Variants in IMPA2 observed in about 807,000 individuals in gnomAD.
IMPA2 encodes inositol monophosphatase 2.
IMPA2 carries 32 observed loss-of-function variants against 35.1 expected under a neutral mutation model. That is an observed-to-expected ratio of 0.91 (90% CI 0.69 to 1.23). IMPA2 has a LOEUF of 1.23. IMPA2 is among the 50% of genes most tolerant of loss of function. The probability of loss-of-function intolerance (pLI) is 0.00; values close to 1 mark genes in which losing one functional copy is unlikely to be tolerated. For synonymous variants in IMPA2, 135 were observed against 160.6 expected (o/e 0.84, Z 1.20); for missense variants, 334 against 387.6 (o/e 0.86, Z 1.16).
At chr18:12,018,619 T>A (rs899461991) in intron 5 of IMPA2, among the ~76,000 whole-genome samples, 3 of 152,232 alleles carry the variant, frequency 2.0e-5, no homozygotes, top group Non-Finnish European at 2.9e-5. Context: ...CATTTTAAGA[T>A]TAAAAATTCA....
At chr18:11,999,630 G>A (rs1332375623) in intron 2 of IMPA2, among the ~76,000 whole-genome samples, 4 of 152,334 alleles carry the variant, frequency 2.6e-5, no homozygotes, top group South Asian at 2.1e-4. Flanking sequence ...TGGCAGCCGC[G>A]TGGGGCCCCC....
chr18:12,010,538 G>A lies in IMPA2; in HGVS notation c.335+551G>A, dbSNP rs554499771. On this transcript the variant is annotated intron_variant, in intron 3 of 7. Transcript: ENST00000269159. The surrounding 1 kb of genome is among the most constrained non-coding windows in gnomAD (Gnocchi z 4.8). ...CAGGATGCAAAGGTGACAGGGACAC[G>A]ACCACAGGTGTTCTCTGGCAGTGGC... Among the ~76,000 whole-genome samples, 144 of 152,348 alleles carry A rather than the reference G, an allele frequency of 9.5e-4. No homozygotes were observed. The highest frequency in any genetic ancestry group is 1.7e-3 in the Non-Finnish European group (118 of 68,026).
At chr18:12,007,755 T>C (rs1159826793) in intron 2 of IMPA2, among the ~76,000 whole-genome samples, 1 of 149,974 alleles carries the variant, frequency 6.7e-6, no homozygotes, top group Admixed American at 6.7e-5. Flanking sequence ...CTTCCCTTCC[T>C]TCTTTCTTTT....
At chr18:12,020,520 CTTGAATTACAGTTTTT>C (rs1359144420) in intron 5 of IMPA2, among the ~76,000 whole-genome samples, 5 of 152,120 alleles carry the variant, frequency 3.3e-5, no homozygotes, top group Non-Finnish European at 5.9e-5. Flanking sequence ...GAAGAGTTTT[CTTGAATTACAGTTTTT>C]AATATTTTTT....
chr18:12,000,791 AT>A (rs1385681394), intron 2 of IMPA2, among the ~76,000 whole-genome samples: 1 of 150,374 alleles, frequency 6.7e-6, no homozygotes, highest in Non-Finnish European at 1.5e-5. Flanking sequence ...AATTTTTTGT[AT>A]TTTTAGTAGA....
At chr18:12,014,399 T>C (rs771207220) in intron 5 of IMPA2, 26 bp downstream of exon 5, 1 of 1,424,776 alleles carries the variant, frequency 7.0e-7, no homozygotes, top group Admixed American at 2.2e-5. Flanking sequence ...CTCGTCTCAG[T>C]TTACTTCTGA....
intron 2 of IMPA2, among the ~76,000 whole-genome samples, chr18:12,006,981 A>G (rs1298938275): frequency 6.6e-6 from 1 of 152,190 alleles, no homozygotes; most frequent in Non-Finnish European, 1.5e-5. Context: ...GATAAAAAAA[A>G]TTAGCCAGGC....
intron 1 of IMPA2, among the ~76,000 whole-genome samples, chr18:11,990,986 C>T (rs949554983): frequency 2.6e-5 from 4 of 152,166 alleles, no homozygotes; most frequent in African/African-American, 4.8e-5. Context: ...GCAGAAGAAG[C>T]GCTCTGTAAG....
intron 5 of IMPA2, among the ~76,000 whole-genome samples, chr18:12,026,034 AT>A (rs35644462): frequency 0.87 from 95,391 of 109,892 alleles, 40,842 homozygotes; most frequent in South Asian, 0.94. Flanking sequence ...TCAAAAGAGC[AT>A]TTTTTTTTTT....
intron 2 of IMPA2, among the ~76,000 whole-genome samples, chr18:12,009,467 T>C (rs567034459): frequency 7.9e-5 from 12 of 152,246 alleles, no homozygotes; most frequent in African/African-American, 2.6e-4. Context: ...GGTATCAGCA[T>C]TGACTGGGAG....
At chr18:12,011,698 G>C (rs1174922376) in intron 3 of IMPA2, among the ~76,000 whole-genome samples, 1 of 152,212 alleles carries the variant, frequency 6.6e-6, no homozygotes, top group Admixed American at 6.5e-5. Flanking sequence ...CCTGCAGCTG[G>C]CTACTGGGCA....
At chr18:12,015,234 C>G (rs1253928640) in intron 5 of IMPA2, among the ~76,000 whole-genome samples, 1 of 152,190 alleles carries the variant, frequency 6.6e-6, no homozygotes, top group African/African-American at 2.4e-5. Context: ...TGCAGGGCCC[C>G]CCATCTCATT....
At chr18:11,983,552 G>C (rs929654920) in intron 1 of IMPA2, among the ~76,000 whole-genome samples, 19 of 152,284 alleles carry the variant, frequency 1.2e-4, no homozygotes, top group Non-Finnish European at 1.0e-4. Context: ...AATAGAGCAG[G>C]AACAGTTCTA....
At chr18:12,018,810 G>C (rs72875406) in intron 5 of IMPA2, among the ~76,000 whole-genome samples, 23,810 of 151,908 alleles carry the variant, frequency 0.16, 2,593 homozygotes, top group African/African-American at 0.3. Flanking sequence ...ATAATAAGTT[G>C]TTTTGGTGTC....
chr18:12,028,550 C>T, intron 6 of IMPA2: 1 of 471,254 alleles, frequency 2.1e-6, no homozygotes, highest in Non-Finnish European at 3.8e-6. Context: ...ACCACTGACA[C>T]TTAATGTCAC....
In IMPA2 at chr18:12,030,356, C is replaced by T. The variant is rs1346443101; in HGVS notation, c.765C>T (p.Asp255=). 1 of 1,614,196 alleles carries T rather than the reference C, an allele frequency of 6.2e-7. No individual in the cohort carries two copies. The highest frequency in any genetic ancestry group is 1.3e-5 in the African/African-American group (1 of 75,074). Reference sequence around the variant, plus strand: ...GTCTGTCCCCAGGTGGACCCCTCGACCTCATGGCTTGCAGAGTGGTTGCGG... The same window carrying T: ...GTCTGTCCCCAGGTGGACCCCTCGATCTCATGGCTTGCAGAGTGGTTGCGG... ...IVIDTSGGPL[D]LMACRVVAAS... Residue 255 remains aspartate, a synonymous_variant, in exon 8 of 8, where the codon GAC becomes GAT. Coordinates refer to ENST00000269159, the MANE Select transcript of IMPA2 (RefSeq NM_014214.3).
chr18:12,022,873 C>G (rs1378553857), intron 5 of IMPA2, among the ~76,000 whole-genome samples: 1 of 148,682 alleles, frequency 6.7e-6, no homozygotes, highest in African/African-American at 2.5e-5. Flanking sequence ...CTCCCAGGTT[C>G]AAGCAATTCT....
intron 7 of IMPA2, among the ~76,000 whole-genome samples, chr18:12,029,562 A>C (rs28667734): frequency 0.47 from 71,532 of 151,850 alleles, 18,988 homozygotes; most frequent in African/African-American, 0.73. Context: ...GCTGGGACTA[A>C]AGGCACTCAC....
chr18:12,030,596 C>T lies in IMPA2; in HGVS notation c.*138C>T, dbSNP rs1042733695. The T allele has an allele frequency of 3.2e-5, 20 of 630,960 alleles. No homozygotes were observed. Among genetic ancestry groups the T allele is most frequent in the Non-Finnish European group, 4.2e-5 (15 of 356,836 alleles). 39.1% of individuals were successfully genotyped at this position (630,960 alleles called of 1,614,324 possible). A position where few individuals can be genotyped will look rare whatever the true frequency, so the allele number is the denominator to read the frequency against. On this transcript the variant is annotated 3_prime_UTR_variant, in exon 8 of 8. Coordinates refer to ENST00000269159, the MANE Select transcript of IMPA2 (RefSeq NM_014214.3). ...TACCCCAGAGGGAGTTGTCACGCTA[C>T]AGTGAGTGGCTGGCCTTTTAAATCG...
Sources: gnomAD v4.1 joint callset for allele counts (sites outside exome capture counted in the v4.1 genomes callset) on GRCh38, gnomAD v4.1.1 for gene constraint, Gnocchi (gnomAD v3.1) non-coding constraint, MANE v1.5 for transcripts, NCBI Gene and HGNC (gene_info 2026-07-23, HGNC 2026-07-21) for gene names.